Variants in GRIK4 observed in about 807,000 individuals in gnomAD.
The protein encoded by GRIK4 is glutamate receptor ionotropic, kainate 4.
A neutral mutation model predicts 104.9 loss-of-function variants in GRIK4; 40 were observed. The ratio of observed to expected loss-of-function variants is 0.38; its 90% CI spans 0.30 to 0.50. GRIK4 has a LOEUF of 0.50. Among genes scored for constraint, GRIK4 ranks in the 20% least tolerant of loss-of-function variants. The pLI is 0.93. For synonymous variants in GRIK4, 485 were observed against 524.9 expected (o/e 0.92, Z 1.04); for missense variants, 1,047 against 1,308.1 (o/e 0.80, Z 3.08).
intron 6 of GRIK4, among the ~76,000 whole-genome samples, chr11:120,821,294 C>T (rs1565372771): frequency 6.6e-6 from 1 of 152,306 alleles, no homozygotes; most frequent in East Asian, 1.9e-4. Context: ...AGGGCTTCAA[C>T]TGGATCTCAA....
intron 13 of GRIK4, among the ~76,000 whole-genome samples, chr11:120,916,554 T>C (rs1259873608): frequency 5.9e-5 from 9 of 152,186 alleles, no homozygotes; most frequent in African/African-American, 2.2e-4. Flanking sequence ...ATACTAGGAA[T>C]CTCTAGTCTG....
intron 13 of GRIK4, among the ~76,000 whole-genome samples, chr11:120,925,575 G>A (rs1194314871): frequency 6.6e-6 from 1 of 152,210 alleles, no homozygotes; most frequent in East Asian, 1.9e-4. Flanking sequence ...GCAGAAGAGG[G>A]TGGACTCACT....
At chr11:120,975,636 T>C (rs370785077) in intron 19 of GRIK4, among the ~76,000 whole-genome samples, 2 of 152,258 alleles carry the variant, frequency 1.3e-5, no homozygotes, top group East Asian at 1.9e-4. Context: ...AGAAGGGGAT[T>C]TTATAAGCTG....
At chr11:120,779,874 CAG>C (rs1182957246) in intron 3 of GRIK4, among the ~76,000 whole-genome samples, 2 of 152,344 alleles carry the variant, frequency 1.3e-5, no homozygotes, top group Admixed American at 6.5e-5. Flanking sequence ...ATACACTAGA[CAG>C]AGCGTTGGTA....
intron 3 of GRIK4, among the ~76,000 whole-genome samples, chr11:120,754,899 A>G (rs1255055060): frequency 3.3e-5 from 5 of 151,998 alleles, no homozygotes; most frequent in Non-Finnish European, 7.4e-5. Context: ...AAGTTGTAAG[A>G]GTTCTTTCTA....
At chr11:120,730,250 C>T (rs752297262) in intron 3 of GRIK4, among the ~76,000 whole-genome samples, 12 of 151,896 alleles carry the variant, frequency 7.9e-5, no homozygotes, top group African/African-American at 1.2e-4. Context: ...CACAGCTACT[C>T]GGGAGGCTGA....
At chr11:120,545,994 G>T (rs953557515) in intron 1 of GRIK4, among the ~76,000 whole-genome samples, 34 of 152,088 alleles carry the variant, frequency 2.2e-4, no homozygotes, top group Non-Finnish European at 4.3e-4. Flanking sequence ...CTGCTTTGTG[G>T]GTTGGTGCCC....
Position 120,986,275 on chromosome 11 carries a change from G to T in GRIK4, c.*15G>T, listed in dbSNP as rs1565478456. ...AGCCCGAGTAGTCCCGGAGGCCACA[G>T]GACGCGCAGAGGCCGGGCGGGGCGG... On this transcript the variant is annotated 3_prime_UTR_variant, in exon 21 of 21. Transcript: ENST00000527524. The T allele has an allele frequency of 6.5e-7, 1 of 1,540,122 alleles. No individual in the cohort carries two copies. Among genetic ancestry groups the T allele is most frequent in the Non-Finnish European group, 8.7e-7 (1 of 1,154,068 alleles).
intron 1 of GRIK4, among the ~76,000 whole-genome samples, chr11:120,637,056 A>G (rs772632718): frequency 1.5e-4 from 23 of 152,022 alleles, no homozygotes; most frequent in Non-Finnish European, 2.8e-4. Flanking sequence ...AGACGTAGGC[A>G]TTTGATGGCC....
At chr11:120,563,623 TGCTCACGGTCCA>T (rs1948268410) in intron 1 of GRIK4, among the ~76,000 whole-genome samples, 1 of 152,152 alleles carries the variant, frequency 6.6e-6, no homozygotes, top group African/African-American at 2.4e-5. Context: ...ATGGGTGCTT[TGCTCACGGTCCA>T]GCTGGTCTCC....
At chr11:120,878,142 GAGGCATC>G (rs888241616) in intron 11 of GRIK4, among the ~76,000 whole-genome samples, 2 of 152,316 alleles carry the variant, frequency 1.3e-5, no homozygotes, top group African/African-American at 4.8e-5. Context: ...ACCGTGCCCT[GAGGCATC>G]CTCCACAGCG....
intron 1 of GRIK4, among the ~76,000 whole-genome samples, chr11:120,535,327 T>G: frequency 6.8e-6 from 1 of 147,108 alleles, no homozygotes; most frequent in African/African-American, 2.5e-5. Context: ...TGGGGAGGGC[T>G]TGGGGGCCTT....
At chr11:120,874,457 G>A (rs900443784) in intron 10 of GRIK4, among the ~76,000 whole-genome samples, 1 of 152,134 alleles carries the variant, frequency 6.6e-6, no homozygotes, top group African/African-American at 2.4e-5. Context: ...AACAGCCCTC[G>A]AGCCTTACAC....
intron 16 of GRIK4, among the ~76,000 whole-genome samples, chr11:120,957,625 G>GTGTGTGTGTGTA (rs375508071): frequency 0.029 from 4,193 of 144,502 alleles, 169 homozygotes; most frequent in African/African-American, 0.088. Context: ...GTGTGTGTGT[G>GTGTGTGTGTGTA]TAGCCTAGAG....
chr11:120,526,474 A>C (rs888058241), intron 1 of GRIK4, among the ~76,000 whole-genome samples: 1 of 152,212 alleles, frequency 6.6e-6, no homozygotes, highest in Non-Finnish European at 1.5e-5. Flanking sequence ...CTGGGATTAC[A>C]GGTGTGAGCC....
chr11:120,956,750 G>A lies in GRIK4; in HGVS notation c.1701-30G>A. On this transcript the variant is annotated intron_variant, in intron 15 of 20. Transcript: ENST00000527524. This position sits in a 1 kb window ranked among gnomAD's most constrained non-coding sequence, Gnocchi z 4.6. ...TGTCCCTTCACACCCCGCCTCTGTG[G>A]CACTAGTGTATGTTCCTTTTCTCCC... 3.4e-6 allele frequency: 5 copies of A among 1,477,422 alleles called. No individual in the cohort carries two copies. The highest frequency in any genetic ancestry group is 4.6e-6 in the Non-Finnish European group (5 of 1,098,042). 91.5% of individuals were successfully genotyped at this position (1,477,422 alleles called of 1,614,324 possible).
chr11:120,842,674 G>T (rs1481211117), intron 8 of GRIK4, among the ~76,000 whole-genome samples: 1 of 152,224 alleles, frequency 6.6e-6, no homozygotes, highest in Non-Finnish European at 1.5e-5. Context: ...CCCGAGGAGG[G>T]CATGCATAGG....
Position 120,871,858 on chromosome 11 carries a change from G to A in GRIK4, c.907-2208G>A, listed in dbSNP as rs904165963. The A allele has an allele frequency of 4.8e-5, 22 of 456,270 alleles. No individual in the cohort carries two copies. The Middle Eastern group carries it at 1.6e-3, about 34-fold the overall frequency. 28.3% of individuals were successfully genotyped at this position (456,270 alleles called of 1,614,324 possible). A position where few individuals can be genotyped will look rare whatever the true frequency, so the allele number is the denominator to read the frequency against. On this transcript the variant is annotated intron_variant, in intron 9 of 20. Transcript: ENST00000527524. Reference sequence around the variant, plus strand: ...CACCAGCCAGGTAGTTTTGTGATGCGGGTGAACTTGGACTGGAACAGACAA... The same window carrying A: ...CACCAGCCAGGTAGTTTTGTGATGCAGGTGAACTTGGACTGGAACAGACAA...
At chr11:120,556,214 TCATG>T (rs1342182699) in intron 1 of GRIK4, among the ~76,000 whole-genome samples, 1 of 152,070 alleles carries the variant, frequency 6.6e-6, no homozygotes, top group Non-Finnish European at 1.5e-5. Flanking sequence ...AGGAGGGAAT[TCATG>T]CATGCATGCA....
Sources: gnomAD v4.1 joint callset for allele counts (sites outside exome capture counted in the v4.1 genomes callset) on GRCh38, gnomAD v4.1.1 for gene constraint, Gnocchi (gnomAD v3.1) non-coding constraint, MANE v1.5 for transcripts, NCBI Gene and HGNC (gene_info 2026-07-23, HGNC 2026-07-21) for gene names.